The following TMEM132D variants were observed in gnomAD, a reference collection of about 807,000 sequenced individuals.
TMEM132D encodes the protein transmembrane protein 132D.
A neutral mutation model predicts 62.3 loss-of-function variants in TMEM132D; 21 were observed. The ratio of observed to expected loss-of-function variants is 0.34; its 90% CI spans 0.24 to 0.49. TMEM132D has a LOEUF of 0.49. Among genes scored for constraint, TMEM132D ranks in the 20% least tolerant of loss-of-function variants. The probability of loss-of-function intolerance (pLI) is 0.99; values close to 1 mark genes in which losing one functional copy is unlikely to be tolerated. For synonymous variants in TMEM132D, 621 were observed against 575.6 expected, an observed-to-expected ratio of 1.08 and a Z score of -1.13; for missense variants, 1,346 against 1,402.8, an observed-to-expected ratio of 0.96 and a Z score of 0.65.
chr12:129,578,469 A>C (rs544667961), intron 2 of TMEM132D, among the ~76,000 whole-genome samples: 82 of 150,512 alleles, frequency 5.4e-4, no homozygotes, highest in African/African-American at 1.9e-3. Flanking sequence ...ATAATATTAT[A>C]TATAGGGGAT....
intron 5 of TMEM132D, among the ~76,000 whole-genome samples, chr12:129,095,826 G>A (rs930512565): frequency 6.6e-6 from 1 of 152,054 alleles, no homozygotes; most frequent in African/African-American, 2.4e-5. Context: ...CTGCAACTGT[G>A]AGAAAATGAA....
intron 2 of TMEM132D, among the ~76,000 whole-genome samples, chr12:129,686,838 A>G (rs1880933783): frequency 6.6e-6 from 1 of 152,192 alleles, no homozygotes; most frequent in Non-Finnish European, 1.5e-5. Context: ...ATGAGGGTTG[A>G]GACCCTGCTT....
At chr12:129,453,760 C>T (rs527996751) in intron 3 of TMEM132D, among the ~76,000 whole-genome samples, 33 of 152,294 alleles carry the variant, frequency 2.2e-4, no homozygotes, top group Admixed American at 4.6e-4. Flanking sequence ...CTCATTGTCT[C>T]TCCTTGACTT....
chr12:129,623,672 T>C (rs1593093762), intron 2 of TMEM132D, among the ~76,000 whole-genome samples: 2 of 141,620 alleles, frequency 1.4e-5, no homozygotes. Context: ...TACATATATA[T>C]ACACATATAT....
chr12:129,309,538 A>G (rs947224260), intron 4 of TMEM132D, among the ~76,000 whole-genome samples: 1 of 152,172 alleles, frequency 6.6e-6, no homozygotes, highest in African/African-American at 2.4e-5. Flanking sequence ...TAAAGATCCT[A>G]TGTAGACAGT....
intron 4 of TMEM132D, among the ~76,000 whole-genome samples, chr12:129,263,763 A>T (rs1314435142): frequency 6.6e-6 from 1 of 152,076 alleles, no homozygotes; most frequent in Non-Finnish European, 1.5e-5. Flanking sequence ...AGTAGAGGAA[A>T]AGAAAGCAGA....
chr12:129,233,198 C>T (rs942812012), intron 4 of TMEM132D, among the ~76,000 whole-genome samples: 3 of 152,152 alleles, frequency 2.0e-5, no homozygotes, highest in Non-Finnish European at 4.4e-5. Flanking sequence ...CTGTTTTAGA[C>T]TACAAGATAT....
intron 3 of TMEM132D, among the ~76,000 whole-genome samples, chr12:129,419,369 C>A (rs1007971076): frequency 6.6e-6 from 1 of 152,118 alleles, no homozygotes; most frequent in Non-Finnish European, 1.5e-5. Flanking sequence ...CTGCAAGAGG[C>A]TCTTTTCCCT....
intron 5 of TMEM132D, among the ~76,000 whole-genome samples, chr12:129,119,081 A>G (rs546389050): frequency 4.6e-5 from 7 of 152,322 alleles, no homozygotes; most frequent in South Asian, 2.1e-4. Flanking sequence ...CTGTTTCATG[A>G]GAGGAGGTGG....
chr12:129,206,000 C>G lies in TMEM132D; in HGVS notation c.1443+3520G>C, dbSNP rs1416854038. On this transcript the variant is annotated intron_variant, in intron 5 of 8. Transcript: ENST00000422113. ...TGTAAAACTCAAAACTATAGAAACC[C>G]TGGAAGATAACCTAAGAAATACCAT... 2.6e-5 allele frequency among the ~76,000 whole-genome samples: 4 copies of G among 152,096 alleles called. No homozygotes were observed. In the East Asian group the frequency reaches 7.7e-4, roughly 29 times the overall value.
chr12:129,589,865 T>G (rs1227653773), intron 2 of TMEM132D, among the ~76,000 whole-genome samples: 1 of 152,180 alleles, frequency 6.6e-6, no homozygotes, highest in Non-Finnish European at 1.5e-5. Context: ...TCAAATAGAT[T>G]TCATCTCCTG....
At chr12:129,570,413 G>T (rs1440313666) in intron 2 of TMEM132D, among the ~76,000 whole-genome samples, 2 of 151,926 alleles carry the variant, frequency 1.3e-5, no homozygotes, top group Non-Finnish European at 2.9e-5. Context: ...CGTGCAGAAA[G>T]CTTTTTTAAG....
At chr12:129,573,341 T>A (rs1877571472) in intron 2 of TMEM132D, among the ~76,000 whole-genome samples, 1 of 152,140 alleles carries the variant, frequency 6.6e-6, no homozygotes, top group East Asian at 1.9e-4. Context: ...GAGCCAGACC[T>A]GAGAGAAGAG....
chr12:129,430,153 A>G (rs1004640128), intron 3 of TMEM132D, among the ~76,000 whole-genome samples: 3 of 152,148 alleles, frequency 2.0e-5, no homozygotes, highest in Non-Finnish European at 2.9e-5. Context: ...CTGATGAATC[A>G]CCACACTGAC....
chr12:129,456,249 A>G (rs1014931825), intron 3 of TMEM132D, among the ~76,000 whole-genome samples: 4 of 152,176 alleles, frequency 2.6e-5, no homozygotes, highest in African/African-American at 9.7e-5. Flanking sequence ...GATCACCAAT[A>G]AGAGAGTATA....
At chr12:129,771,133 G>A (rs562002657) in intron 1 of TMEM132D, among the ~76,000 whole-genome samples, 2 of 152,324 alleles carry the variant, frequency 1.3e-5, no homozygotes, top group African/African-American at 4.8e-5. Flanking sequence ...CATGTCTGCA[G>A]AATGTGTGTA....
intron 2 of TMEM132D, among the ~76,000 whole-genome samples, chr12:129,656,156 T>A (rs1274929629): frequency 6.6e-6 from 1 of 151,750 alleles, no homozygotes; most frequent in Admixed American, 6.6e-5. Flanking sequence ...ACATGCCCTA[T>A]GATAAGATTT....
intron 5 of TMEM132D, among the ~76,000 whole-genome samples, chr12:129,154,199 G>A (rs893178356): frequency 6.6e-6 from 1 of 152,262 alleles, no homozygotes; most frequent in South Asian, 2.1e-4. Context: ...GCATTTGTGG[G>A]ATGACAGCTC....
intron 3 of TMEM132D, among the ~76,000 whole-genome samples, chr12:129,495,849 G>A (rs1874938917): frequency 6.6e-6 from 1 of 152,200 alleles, no homozygotes; most frequent in African/African-American, 2.4e-5. Flanking sequence ...GGTTCCAGGT[G>A]TGTCCCACTC....
Sources: allele counts gnomAD v4.1 joint callset (sites outside exome capture counted in the v4.1 genomes callset), GRCh38; gene constraint gnomAD v4.1.1; transcripts MANE v1.5; gene names NCBI Gene and HGNC (gene_info 2026-07-23, HGNC 2026-07-21).